Variants in GRK4 observed in about 807,000 individuals in gnomAD.
GRK4 encodes the protein G protein-coupled receptor kinase 4, also known as G protein-coupled receptor kinase 2-like.
Under a neutral mutation model 77.9 loss-of-function variants are expected in GRK4, and 73 were observed. That is an observed-to-expected ratio of 0.94 (90% CI 0.78 to 1.14). The LOEUF (loss-of-function observed/expected upper bound fraction) is 1.14, where lower values mean the gene tolerates loss of function less well. GRK4 is among the 50% of genes most tolerant of loss of function. GRK4 has a pLI of 0.00. For synonymous variants in GRK4, 257 were observed against 254.4 expected, an observed-to-expected ratio of 1.01 and a Z score of -0.10; for missense variants, 729 against 700.2, an observed-to-expected ratio of 1.04 and a Z score of -0.46.
At chr4:3,012,031 C>T (rs1284216103) in intron 7 of GRK4, among the ~76,000 whole-genome samples, 4 of 152,184 alleles carry the variant, frequency 2.6e-5, no homozygotes, top group African/African-American at 9.6e-5. Context: ...GGGAAATAAT[C>T]GGCCCTGCCC....
intron 1 of GRK4, among the ~76,000 whole-genome samples, chr4:2,980,571 T>A (rs1722597899): frequency 6.6e-6 from 1 of 151,588 alleles, no homozygotes; most frequent in African/African-American, 2.4e-5. Flanking sequence ...AGGGACTCAC[T>A]GGAAGCCTTG....
At chr4:2,968,428 G>A (rs772374151) in intron 1 of GRK4, among the ~76,000 whole-genome samples, 9 of 152,030 alleles carry the variant, frequency 5.9e-5, no homozygotes, top group Non-Finnish European at 1.0e-4. Context: ...TAGAACTTTT[G>A]CTAACTTAAG....
At chr4:3,010,427 A>G (rs1168663775) in intron 7 of GRK4, among the ~76,000 whole-genome samples, 1 of 151,986 alleles carries the variant, frequency 6.6e-6, no homozygotes, top group Non-Finnish European at 1.5e-5. Flanking sequence ...GGGTTTCTCC[A>G]TGTTGGTCAG....
intron 13 of GRK4, among the ~76,000 whole-genome samples, chr4:3,036,183 C>T (rs1454440365): frequency 2.0e-5 from 3 of 152,232 alleles, no homozygotes; most frequent in East Asian, 1.9e-4. Flanking sequence ...TTCCCACAGC[C>T]GTGAGGCCCT....
intron 2 of GRK4, chr4:2,987,046 A>G (rs1399116464): frequency 4.2e-6 from 2 of 478,058 alleles, no homozygotes; most frequent in East Asian, 1.1e-4. Context: ...CCATCACCAC[A>G]GTCAATTTGA....
At chr4:2,983,514 C>T (rs1455504054) in intron 1 of GRK4, among the ~76,000 whole-genome samples, 2 of 152,190 alleles carry the variant, frequency 1.3e-5, no homozygotes, top group Non-Finnish European at 1.5e-5. Context: ...CCATGGGATG[C>T]TCTTCTCCCA....
chr4:2,966,036 G>C (rs6841142), intron 1 of GRK4: 2,027 of 157,970 alleles, frequency 0.013, 21 homozygotes, highest in African/African-American at 0.033. Context: ...TAGATAATGA[G>C]ATAAATACAA....
In GRK4 at chr4:2,988,747, T is replaced by G. The variant is rs1432061062; in HGVS notation, c.169T>G (p.Cys57Gly). The part of the protein sequence containing the change: ...HSIEKDYSSL[C>G]DKQPIGRRLF... ...CCCAGAAAAGGATTATAGCAGTCTT[T>G]GTGACAAGCAACCGATAGGAAGACG... The change falls in exon 3 of 16, where the codon TGT (cysteine) becomes GGT (glycine). Residue 57 changes from cysteine to glycine, a missense_variant. By Grantham distance (159) the Cys-to-Gly change is radical. Coordinates refer to ENST00000398052, the MANE Select transcript of GRK4 (RefSeq NM_182982.3). The G allele has an allele frequency of 1.9e-6, 3 of 1,610,102 alleles. No homozygotes were observed. Among genetic ancestry groups the G allele is most frequent in the Admixed American group, 1.7e-5 (1 of 60,000 alleles).
At chr4:3,038,540 G>T in intron 15 of GRK4, 27 bp downstream of exon 15, 1 of 1,541,084 alleles carries the variant, frequency 6.5e-7, no homozygotes. Flanking sequence ...ACTAATATAT[G>T]TGTGTGTATG....
intron 2 of GRK4, chr4:2,987,168 T>G (rs1410317703): frequency 3.9e-6 from 2 of 515,602 alleles, no homozygotes; most frequent in African/African-American, 1.9e-5. Flanking sequence ...TTTCTGTCTA[T>G]GTCTTTGCCT....
chr4:2,988,075 CAAAAAAAAA>C (rs67664476), intron 2 of GRK4, among the ~76,000 whole-genome samples: 3 of 33,656 alleles, frequency 8.9e-5, no homozygotes, highest in Non-Finnish European at 1.2e-4. Context: ...GGCTCTGTCT[CAAAAAAAAA>C]AAAAAAAAAA....
chr4:3,003,364 AT>A (rs551307853), intron 4 of GRK4, among the ~76,000 whole-genome samples: 2 of 151,522 alleles, frequency 1.3e-5, no homozygotes, highest in Non-Finnish European at 2.9e-5. Context: ...TAATTTTTGT[AT>A]TTTTTAGTAA....
chr4:3,024,709 A>T (rs540463184), intron 10 of GRK4, among the ~76,000 whole-genome samples: 1 of 151,610 alleles, frequency 6.6e-6, no homozygotes, highest in Non-Finnish European at 1.5e-5. Context: ...AAAATACAAA[A>T]ATTAGCCGGG....
chr4:3,035,161 C>T (rs1015441278), intron 12 of GRK4, among the ~76,000 whole-genome samples: 2 of 151,842 alleles, frequency 1.3e-5, no homozygotes, highest in African/African-American at 2.4e-5. Context: ...AGGAGAATGG[C>T]GTGAACCCGG....
intron 9 of GRK4, among the ~76,000 whole-genome samples, chr4:3,021,764 C>T (rs1018328533): frequency 5.3e-5 from 8 of 152,196 alleles, no homozygotes; most frequent in Admixed American, 1.3e-4. Flanking sequence ...CAGGTGACTA[C>T]GGCTGAGCCG....
chr4:2,974,533 A>T (rs1322645819), intron 1 of GRK4, among the ~76,000 whole-genome samples: 1 of 152,204 alleles, frequency 6.6e-6, no homozygotes, highest in Non-Finnish European at 1.5e-5. Flanking sequence ...GGCTCTAGGG[A>T]TACAGGGATG....
At chr4:3,029,023 T>C (rs918336820) in intron 11 of GRK4, among the ~76,000 whole-genome samples, 178 bp from the exon 12 acceptor site, 8 of 152,182 alleles carry the variant, frequency 5.3e-5, no homozygotes, top group African/African-American at 1.9e-4. Context: ...CTGCCTGCCT[T>C]CGCCTCCCAA....
At chr4:2,972,707 G>A (rs746798775) in intron 1 of GRK4, among the ~76,000 whole-genome samples, 42 of 152,170 alleles carry the variant, frequency 2.8e-4, no homozygotes, top group Non-Finnish European at 4.6e-4. Flanking sequence ...CAGTGTGTGC[G>A]CTGCTGTGTG....
At chr4:2,972,675 G>A (rs1208267742) in intron 1 of GRK4, among the ~76,000 whole-genome samples, 1 of 152,136 alleles carries the variant, frequency 6.6e-6, no homozygotes, top group Non-Finnish European at 1.5e-5. Context: ...GGCGGAGGGG[G>A]AGTCCTGTGT....
Sources: gnomAD v4.1 joint callset for allele counts (sites outside exome capture counted in the v4.1 genomes callset) on GRCh38, gnomAD v4.1.1 for gene constraint, MANE v1.5 for transcripts, NCBI Gene and HGNC (gene_info 2026-07-23, HGNC 2026-07-21) for gene names.